SEMA6D: variants seen among roughly 807,000 people sequenced by gnomAD.
SEMA6D encodes the protein semaphorin 6D, also known as semaphorin-6D.
Under a neutral mutation model 106.6 loss-of-function variants are expected in SEMA6D, and 35 were observed. The observed-to-expected ratio is 0.33, with a 90% CI of 0.25 to 0.44. The LOEUF is 0.44. SEMA6D is among the 20% of genes least tolerant of loss of function. The pLI is 1.00. For missense variants in SEMA6D, 1,185 were observed against 1,345.9 expected (o/e 0.88, Z 1.87); for synonymous variants, 499 against 487.7 (o/e 1.02, Z -0.31).
intron 4 of SEMA6D, among the ~76,000 whole-genome samples, chr15:47,607,414 C>T (rs1055003910): frequency 1.3e-5 from 2 of 152,180 alleles, no homozygotes; most frequent in African/African-American, 4.8e-5. Flanking sequence ...ACAAAGCAAG[C>T]TAGTGGCAGC....
intron 3 of SEMA6D, among the ~76,000 whole-genome samples, chr15:47,488,652 AAGGG>A (rs1289678828): frequency 6.6e-6 from 1 of 152,106 alleles, no homozygotes; most frequent in Non-Finnish European, 1.5e-5. Flanking sequence ...AGACTTGAGG[AAGGG>A]AGGGAGTTAG....
chr15:47,266,124 G>T (rs1272905678), intron 1 of SEMA6D, among the ~76,000 whole-genome samples: 2 of 152,090 alleles, frequency 1.3e-5, no homozygotes, highest in Non-Finnish European at 2.9e-5. Flanking sequence ...GCTCTTCCCT[G>T]TTGTCACTTT....
chr15:47,753,680 A>G (rs758126172), intron 1 of SEMA6D, among the ~76,000 whole-genome samples: 3 of 152,204 alleles, frequency 2.0e-5, no homozygotes, highest in Non-Finnish European at 4.4e-5. Flanking sequence ...GGCTGAGGCT[A>G]GTAAAGTCTT....
chr15:47,384,287 G>A (rs2039741650), intron 1 of SEMA6D, among the ~76,000 whole-genome samples: 1 of 152,210 alleles, frequency 6.6e-6, no homozygotes, highest in Non-Finnish European at 1.5e-5. Flanking sequence ...CAAAATATTT[G>A]CTGCATTTCT....
At chr15:47,710,597 AACAC>A (rs1487584833) in intron 4 of SEMA6D, among the ~76,000 whole-genome samples, 1 of 152,042 alleles carries the variant, frequency 6.6e-6, no homozygotes, top group African/African-American at 2.4e-5. Context: ...CACACACACA[AACAC>A]ACACACAGTG....
chr15:47,412,534 T>G (rs1035551934), intron 2 of SEMA6D: 1 of 152,490 alleles, frequency 6.6e-6, no homozygotes, highest in Non-Finnish European at 1.5e-5. Flanking sequence ...CCTTTTTCCA[T>G]TAGATGTGAA....
In SEMA6D at chr15:47,770,897, C is replaced by T. The variant is rs1032903357; in HGVS notation, c.2334C>T (p.Pro778=). 34 of 1,613,968 alleles carry T rather than the reference C, an allele frequency of 2.1e-5. No homozygotes were observed. The highest frequency in any genetic ancestry group is 6.7e-5 in the African/African-American group (5 of 74,904). The change falls in exon 19 of 19, where the codon CCC becomes CCT. Residue 778 remains proline (P), a synonymous_variant. Transcript: ENST00000536845. ...CTCTTCCTACTCCTGAGTCTACACC[C>T]GTGCTTCACCAGAAGACCCTGCAGG... ...LAALPTPEST[P]VLHQKTLQAM... is the part of the protein sequence containing the mutation.
chr15:47,368,028 A>G (rs567989891), intron 1 of SEMA6D, among the ~76,000 whole-genome samples: 1 of 152,266 alleles, frequency 6.6e-6, no homozygotes, highest in Non-Finnish European at 1.5e-5. Context: ...AGTCCAACAT[A>G]AAATAGTAGA....
chr15:47,300,852 A>G (rs555795771), intron 1 of SEMA6D, among the ~76,000 whole-genome samples: 1 of 152,344 alleles, frequency 6.6e-6, no homozygotes, highest in South Asian at 2.1e-4. Context: ...AGCTCAGTCC[A>G]TGATGCTGCA....
At chr15:47,405,328 T>G (rs1362416197) in intron 1 of SEMA6D, among the ~76,000 whole-genome samples, 9 of 151,724 alleles carry the variant, frequency 5.9e-5, no homozygotes, top group Non-Finnish European at 1.5e-5. Context: ...GGAGACAGAG[T>G]GGTTCCAGGA....
At chr15:47,422,518 A>G (rs2041204511) in intron 2 of SEMA6D, among the ~76,000 whole-genome samples, 3 of 152,176 alleles carry the variant, frequency 2.0e-5, no homozygotes, top group Admixed American at 2.0e-4. Flanking sequence ...TAGAGGCTTT[A>G]TCCAACTTTT....
intron 1 of SEMA6D, among the ~76,000 whole-genome samples, chr15:47,360,333 G>A (rs1496924): frequency 0.63 from 96,428 of 152,134 alleles, 31,645 homozygotes; most frequent in Non-Finnish European, 0.72. Flanking sequence ...TAAGTCTATG[G>A]GAGCAACATG....
intron 1 of SEMA6D, among the ~76,000 whole-genome samples, chr15:47,377,245 A>T (rs1474467392): frequency 6.6e-6 from 1 of 152,236 alleles, no homozygotes; most frequent in Admixed American, 6.5e-5. Context: ...TTACATGGTG[A>T]TAATAAATTT....
At chr15:47,427,475 G>A (rs1187427163) in intron 2 of SEMA6D, among the ~76,000 whole-genome samples, 1 of 152,110 alleles carries the variant, frequency 6.6e-6, no homozygotes, top group African/African-American at 2.4e-5. Flanking sequence ...TTTTATAACA[G>A]CCCATGGAAT....
At chr15:47,636,837 A>T (rs1246701874) in intron 4 of SEMA6D, among the ~76,000 whole-genome samples, 1 of 152,162 alleles carries the variant, frequency 6.6e-6, no homozygotes, top group Non-Finnish European at 1.5e-5. Flanking sequence ...TATTAATCTC[A>T]TATCAGTGTT....
chr15:47,379,009 A>T (rs1448347038), intron 1 of SEMA6D, among the ~76,000 whole-genome samples: 1 of 152,216 alleles, frequency 6.6e-6, no homozygotes, highest in East Asian at 1.9e-4. Context: ...AAACAGAGAC[A>T]GAAAGGGTAG....
At chr15:47,241,318 G>A (rs1271359316) in intron 1 of SEMA6D, 1 of 152,102 alleles carries the variant, frequency 6.6e-6, no homozygotes, top group African/African-American at 2.4e-5. Context: ...CAAAAGAAAC[G>A]ACCGAAATCA....
At chr15:47,304,925 G>A (rs995052205) in intron 1 of SEMA6D, among the ~76,000 whole-genome samples, 1 of 152,180 alleles carries the variant, frequency 6.6e-6, no homozygotes, top group African/African-American at 2.4e-5. Context: ...TATTAATGAA[G>A]CAAAGCTGAA....
chr15:47,295,698 A>C (rs1376868835), intron 1 of SEMA6D, among the ~76,000 whole-genome samples: 2 of 152,252 alleles, frequency 1.3e-5, no homozygotes, highest in Admixed American at 1.3e-4. Context: ...TGTTAGAATT[A>C]AGCACAGAGT....
Sources: allele counts gnomAD v4.1 joint callset (sites outside exome capture counted in the v4.1 genomes callset), GRCh38; gene constraint gnomAD v4.1.1; transcripts MANE v1.5; gene names NCBI Gene and HGNC (gene_info 2026-07-23, HGNC 2026-07-21).